The following SCAF8 variants were observed in gnomAD, a reference collection of about 807,000 sequenced individuals.
SCAF8 encodes SR-related and CTD-associated factor 8.
Under a neutral mutation model 140.5 loss-of-function variants are expected in SCAF8, and 23 were observed. The ratio of observed to expected loss-of-function variants is 0.16; its 90% CI spans 0.12 to 0.23. The LOEUF is 0.23. Among genes scored for constraint, SCAF8 ranks in the 10% least tolerant of loss-of-function variants. The pLI, the probability that SCAF8 is intolerant of heterozygous loss-of-function variation, is 1.00. For missense variants in SCAF8, 1,397 were observed against 1,555.7 expected, an observed-to-expected ratio of 0.90 and a Z score of 1.72; for synonymous variants, 575 against 528.9, an observed-to-expected ratio of 1.09 and a Z score of -1.20.
rs193240057 is a variant in SCAF8, at chr6:154,827,829, C to T, written c.2140+589C>T. Among the ~76,000 whole-genome samples the T allele has an allele frequency of 1.1e-3, 27 of 23,814 alleles. No individual in the cohort carries two copies. In the South Asian group the frequency reaches 0.028, roughly 25 times the overall value. 15.6% of individuals were successfully genotyped at this position (23,814 alleles called of 152,430 possible). A position where few individuals can be genotyped will look rare whatever the true frequency, so the allele number is the denominator to read the frequency against. On this transcript the variant is annotated intron_variant, in intron 18 of 19. Transcript: ENST00000367178. Reference sequence around the variant, plus strand: ...CTCCTGCCCCACACCTTTTTTGGGGCGGGGCGGGGGGGGGGGCGGTGTAAA... The same window carrying T: ...CTCCTGCCCCACACCTTTTTTGGGGTGGGGCGGGGGGGGGGGCGGTGTAAA...
intron 14 of SCAF8, 81 bp downstream of exon 14, chr6:154,818,673 A>G: frequency 1.7e-6 from 1 of 598,618 alleles, no homozygotes; most frequent in East Asian, 2.9e-5. Context: ...GTTTTTCACA[A>G]GAGGGTCACA....
intron 1 of SCAF8, among the ~76,000 whole-genome samples, chr6:154,753,007 GT>G (rs1300452280): frequency 6.7e-6 from 1 of 150,272 alleles, no homozygotes; most frequent in African/African-American, 2.5e-5. Context: ...TTTTGTTTTT[GT>G]TTTGTTTTTT....
rs1582983365 is a variant in SCAF8 at position 154,733,426 on chromosome 6, C to T, written c.-475C>T. ...CGACTCGAGTCCGCCATATTGGATG[C>T]CGCAGCCGCTGCTGCCAGCGCTTCC... On this transcript the variant is annotated 5_prime_UTR_variant, in exon 1 of 20. Transcript: ENST00000367178. 29 of 1,402,582 alleles carry T rather than the reference C, an allele frequency of 2.1e-5. No individual in the cohort carries two copies. The highest frequency in any genetic ancestry group is 9.2e-5 in the East Asian group (3 of 32,786). The allele number at this position is 1,402,582 out of a possible 1,614,324, so 86.9% of individuals were successfully genotyped here.
In SCAF8 at chr6:154,833,481, C is replaced by G; in HGVS notation, c.*86C>G. 7.8e-7 allele frequency: 1 copy of G among 1,284,326 alleles called. No individual in the cohort carries two copies. Among genetic ancestry groups the G allele is most frequent in the Non-Finnish European group, 1.1e-6 (1 of 927,986 alleles). The allele number at this position is 1,284,326 out of a possible 1,614,324, so 79.6% of individuals were successfully genotyped here. On this transcript the variant is annotated 3_prime_UTR_variant, in exon 20 of 20. Transcript: ENST00000367178. ...TGGCTGACTGGACCATAGTTGTTCA[C>G]TTTTGTCTGCCAGAATTAAGTTAAT...
At chr6:154,800,067 T>A (rs1352640883) in intron 6 of SCAF8, among the ~76,000 whole-genome samples, 1 of 151,446 alleles carries the variant, frequency 6.6e-6, no homozygotes, top group African/African-American at 2.4e-5. Flanking sequence ...ATTATAGACA[T>A]GAGCCACCGC....
At chr6:154,828,450 CT>C (rs961496132) in intron 18 of SCAF8, among the ~76,000 whole-genome samples, 44 of 148,830 alleles carry the variant, frequency 3.0e-4, no homozygotes, top group African/African-American at 5.9e-4. Flanking sequence ...CCCTCTCTCC[CT>C]TTTTTTTTTC....
chr6:154,825,804 G>A (rs982429141), intron 17 of SCAF8, among the ~76,000 whole-genome samples: 22 of 151,700 alleles, frequency 1.5e-4, no homozygotes, highest in Admixed American at 3.9e-4. Flanking sequence ...ATGAGCCACC[G>A]CGCACAGCCT....
At position 154,744,166 on chromosome 6, in the gene SCAF8, A is replaced by G. The variant is rs866542999; in HGVS notation, c.30+10236A>G. On this transcript the variant is annotated intron_variant, in intron 1 of 19. Transcript: ENST00000367178. ...AAATTAGCCAGGCGTGGTGGCGTGC[A>G]CCTGTAATCCCAGCTACTCAGGAGG... is the stretch of plus-strand genomic sequence containing the variant. Among the ~76,000 whole-genome samples, 12 of 152,100 alleles carry G rather than the reference A, an allele frequency of 7.9e-5. No individual in the cohort carries two copies. In the South Asian group the frequency reaches 1.7e-3, roughly 21 times the overall value.
intron 1 of SCAF8, among the ~76,000 whole-genome samples, chr6:154,735,854 T>C (rs1380824540): frequency 1.3e-5 from 2 of 151,372 alleles, no homozygotes; most frequent in Non-Finnish European, 2.9e-5. Context: ...TTTTGAGGAG[T>C]GTCATTCTGT....
chr6:154,770,601 A>G (rs1244165149), intron 1 of SCAF8, among the ~76,000 whole-genome samples: 1 of 152,040 alleles, frequency 6.6e-6, no homozygotes, highest in Non-Finnish European at 1.5e-5. Context: ...AAATTCTTAG[A>G]AAGTATGTGA....
intron 3 of SCAF8, among the ~76,000 whole-genome samples, chr6:154,778,297 A>G (rs1246428910): frequency 6.6e-6 from 1 of 152,232 alleles, no homozygotes; most frequent in African/African-American, 2.4e-5. Context: ...ATGTGGTATT[A>G]AGGATTCAGC....
chr6:154,801,231 A>T (rs562004696), intron 6 of SCAF8, among the ~76,000 whole-genome samples: 23 of 151,608 alleles, frequency 1.5e-4, no homozygotes, highest in Non-Finnish European at 3.0e-4. Flanking sequence ...CTTTACTGTC[A>T]TCTTACATAG....
intron 6 of SCAF8, among the ~76,000 whole-genome samples, chr6:154,798,725 T>G (rs1412708626): frequency 6.6e-6 from 1 of 151,358 alleles, no homozygotes. Context: ...TTTAAATACC[T>G]GAGAGTTCAT....
At chr6:154,780,350 C>T (rs1157128030) in intron 3 of SCAF8, among the ~76,000 whole-genome samples, 1 of 147,806 alleles carries the variant, frequency 6.8e-6, no homozygotes, top group Non-Finnish European at 1.5e-5. Context: ...CAAATAGTTC[C>T]TTCCTTTTTT....
In SCAF8 at chr6:154,831,978, G is replaced by T; in HGVS notation, c.2399G>T (p.Gly800Val). 3 of 1,607,620 alleles carry T rather than the reference G, an allele frequency of 1.9e-6. No individual in the cohort carries two copies. The highest frequency in any genetic ancestry group is 2.5e-6 in the Non-Finnish European group (3 of 1,177,784). ...ATTTCAAGTAATGCTGCAATTTTAG[G>T]AGGACAGCCGCCAAATGTGACAAGC... ...NDISSNAAIL[G>V]GQPPNVTSNS... Residue 800 changes from glycine to valine, a missense_variant, in exon 20 of 20, where the codon GGA (glycine) becomes GTA (valine). Gly to Val is a moderately radical substitution (Grantham distance 109, BLOSUM62 -3). Transcript: ENST00000367178.
intron 1 of SCAF8, among the ~76,000 whole-genome samples, chr6:154,743,224 C>A (rs1778616831): frequency 6.6e-6 from 1 of 152,166 alleles, no homozygotes; most frequent in Middle Eastern, 3.2e-3. Flanking sequence ...AGAGACTGAA[C>A]AGGTAGACTT....
intron 8 of SCAF8, among the ~76,000 whole-genome samples, chr6:154,804,670 C>T (rs979135811): frequency 5.9e-5 from 9 of 152,108 alleles, no homozygotes; most frequent in African/African-American, 9.7e-5. Context: ...TCATTCTTCC[C>T]CTTAGGTTTA....
rs369222601 is a variant in SCAF8 at position 154,808,044 on chromosome 6, T to C, written c.982-26T>C. 21 of 1,585,244 alleles carry C rather than the reference T, an allele frequency of 1.3e-5. No individual in the cohort carries two copies. In the African/African-American group the frequency reaches 2.7e-4, roughly 20 times the overall value. ...ATAACAAAAAGTATCTCCCAATCTT[T>C]GTGTGTTTGTATATGTTCTCAATAG... On this transcript the variant is annotated intron_variant, in intron 9 of 19. Coordinates refer to ENST00000367178, the MANE Select transcript of SCAF8 (RefSeq NM_014892.5).
intron 4 of SCAF8, among the ~76,000 whole-genome samples, chr6:154,791,769 C>A (rs776583030): frequency 1.8e-4 from 27 of 151,934 alleles, no homozygotes; most frequent in Non-Finnish European, 2.8e-4. Flanking sequence ...ACAAAAAATA[C>A]AAAGAACTCT....
Sources: allele counts gnomAD v4.1 joint callset (sites outside exome capture counted in the v4.1 genomes callset), GRCh38; gene constraint gnomAD v4.1.1; transcripts MANE v1.5; gene names NCBI Gene and HGNC (gene_info 2026-07-23, HGNC 2026-07-21).